Variants in NRXN3 observed in about 807,000 individuals in gnomAD.
NRXN3 encodes neurexin 3, also known as neurexin III.
Under a neutral mutation model 137.6 loss-of-function variants are expected in NRXN3, and 32 were observed. The observed-to-expected ratio is 0.23, with a 90% confidence interval of 0.18 to 0.31. The LOEUF is 0.31. NRXN3 is among the 10% of genes least tolerant of loss of function. The probability of loss-of-function intolerance (pLI) is 1.00; values close to 1 mark genes in which losing one functional copy is unlikely to be tolerated. For synonymous variants in NRXN3, 798 were observed against 784.5 expected (o/e 1.02, Z -0.29); for missense variants, 1,574 against 2,062.5 (o/e 0.76, Z 4.59).
Position 78,176,324 on chromosome 14 carries a change from C to A in NRXN3, c.-704+5650C>A, listed in dbSNP as rs1428980814. On this transcript the variant is annotated intron_variant, in intron 1 of 20. Coordinates refer to ENST00000335750, the MANE Select transcript of NRXN3 (RefSeq NM_001330195.2). The stretch of plus-strand genomic sequence containing the variant: ...TCATCATAGTAGTGGTAGTAATAGT[C>A]GTGATATAGCTATCATTTCTGCAGT... Among the ~76,000 whole-genome samples, 2 of 151,408 alleles carry A rather than the reference C, an allele frequency of 1.3e-5. 1 individual carries two copies. The highest frequency in any genetic ancestry group is 4.2e-4 in the South Asian group (2 of 4,778).
At chr14:79,756,579 A>G (rs1422952676) in intron 19 of NRXN3, among the ~76,000 whole-genome samples, 3 of 152,226 alleles carry the variant, frequency 2.0e-5, no homozygotes, top group African/African-American at 7.2e-5. Context: ...AGAGAACGAA[A>G]TATTAATATT....
At chr14:78,633,698 T>C (rs962896930) in intron 4 of NRXN3, among the ~76,000 whole-genome samples, 2 of 152,234 alleles carry the variant, frequency 1.3e-5, no homozygotes, top group Admixed American at 1.3e-4. Flanking sequence ...CACCTCCGCA[T>C]TGGCAAATTT....
chr14:78,663,813 C>T (rs2097859523), intron 6 of NRXN3, among the ~76,000 whole-genome samples: 1 of 152,210 alleles, frequency 6.6e-6, no homozygotes, highest in Non-Finnish European at 1.5e-5. Flanking sequence ...CCTACTGAGA[C>T]AAAATCTCTT....
intron 20 of NRXN3, chr14:79,854,212 G>C (rs2099397711): frequency 1.1e-6 from 1 of 916,796 alleles, no homozygotes; most frequent in African/African-American, 1.8e-5. Context: ...CGGGCAATTT[G>C]TTGATGTAAG....
intron 15 of NRXN3, among the ~76,000 whole-genome samples, chr14:79,441,528 C>A (rs903405054): frequency 6.6e-6 from 1 of 151,458 alleles, no homozygotes; most frequent in African/African-American, 2.4e-5. Flanking sequence ...TACAGGCGCC[C>A]GCCACCGCAC....
intron 1 of NRXN3, among the ~76,000 whole-genome samples, chr14:78,225,950 TTGGTGTGTGTGTGTGTGTGTG>T (rs1237247544): frequency 6.5e-4 from 78 of 119,472 alleles, no homozygotes; most frequent in East Asian, 1.0e-3. Context: ...AGGTGTTTTT[TTGGTGTGTGTGTGTGTGTGTG>T]TTGGTGTGTG....
At chr14:78,447,821 A>G (rs920073400) in intron 4 of NRXN3, among the ~76,000 whole-genome samples, 5 of 152,210 alleles carry the variant, frequency 3.3e-5, no homozygotes, top group Non-Finnish European at 5.9e-5. Flanking sequence ...CTTATAGCCT[A>G]CCTTTCTTCA....
chr14:79,278,262 A>G (rs1172006759), intron 15 of NRXN3, among the ~76,000 whole-genome samples: 1 of 152,124 alleles, frequency 6.6e-6, no homozygotes, highest in Non-Finnish European at 1.5e-5. Flanking sequence ...AGGGAGTCAA[A>G]GCTAGCAAGA....
At chr14:78,527,822 T>G (rs560229003) in intron 4 of NRXN3, among the ~76,000 whole-genome samples, 1 of 152,224 alleles carries the variant, frequency 6.6e-6, no homozygotes, top group Non-Finnish European at 1.5e-5. Flanking sequence ...CAGGACAATA[T>G]CTCTCTTATT....
chr14:78,407,861 C>T (rs376203108), intron 4 of NRXN3, among the ~76,000 whole-genome samples: 1 of 152,162 alleles, frequency 6.6e-6, no homozygotes, highest in Admixed American at 6.6e-5. Context: ...GCTGCTCCTC[C>T]CTCACTGGAC....
At chr14:79,208,250 ATTTGGGGGTCAC>A in intron 15 of NRXN3, among the ~76,000 whole-genome samples, 1 of 152,280 alleles carries the variant, frequency 6.6e-6, no homozygotes, top group Non-Finnish European at 1.5e-5. Context: ...CTGATGATAA[ATTTGGGGGTCAC>A]TTAATCCAGG....
intron 15 of NRXN3, among the ~76,000 whole-genome samples, chr14:79,007,491 C>T (rs1159054881): frequency 1.3e-5 from 2 of 150,092 alleles, no homozygotes; most frequent in Non-Finnish European, 3.0e-5. Flanking sequence ...AAGCAATCAA[C>T]CAACCAAACA....
At chr14:79,323,939 T>C (rs1013099952) in intron 15 of NRXN3, among the ~76,000 whole-genome samples, 4 of 152,262 alleles carry the variant, frequency 2.6e-5, no homozygotes, top group Admixed American at 1.3e-4. Flanking sequence ...GAGGTGTTTT[T>C]TTCCCCAGTA....
intron 15 of NRXN3, among the ~76,000 whole-genome samples, chr14:79,110,575 T>A (rs1276903147): frequency 6.6e-6 from 1 of 152,208 alleles, no homozygotes; most frequent in Non-Finnish European, 1.5e-5. Context: ...GATGGATGCA[T>A]TTGGCATTTG....
Position 79,569,555 on chromosome 14 carries a change from GA to G in NRXN3, c.3445-94221del, listed in dbSNP as rs530793832. On this transcript the variant is annotated intron_variant, in intron 16 of 20. Transcript: ENST00000335750. ...ATGCCCTCCATTTCTAAATGTATGA[GA>G]AGAGGATCAACAAAGAAAAAAATTA... Among the ~76,000 whole-genome samples, 960 of 151,976 alleles carry G rather than the reference GA, an allele frequency of 6.3e-3. 12 individuals carry two copies. The highest frequency in any genetic ancestry group is 0.044 in the Middle Eastern group (13 of 294).
At chr14:78,803,503 C>T in intron 8 of NRXN3, 117 bp from the exon 9 acceptor site, 1 of 896,998 alleles carries the variant, frequency 1.1e-6, no homozygotes, top group Admixed American at 1.8e-5. Flanking sequence ...TCATCAAACA[C>T]AAGTCACTAG....
At chr14:78,845,275 A>G (rs986785999) in intron 10 of NRXN3, among the ~76,000 whole-genome samples, 1 of 152,110 alleles carries the variant, frequency 6.6e-6, no homozygotes, top group Non-Finnish European at 1.5e-5. Flanking sequence ...GTGTTACTAC[A>G]TAGTGTTAAT....
chr14:79,172,143 G>A (rs1224454738), intron 15 of NRXN3, among the ~76,000 whole-genome samples: 2 of 151,366 alleles, frequency 1.3e-5, no homozygotes, highest in Non-Finnish European at 2.9e-5. Context: ...AACAATACAT[G>A]AAGAACTATT....
chr14:79,022,095 A>G (rs1365614392), intron 15 of NRXN3, among the ~76,000 whole-genome samples: 1 of 152,164 alleles, frequency 6.6e-6, no homozygotes, highest in Admixed American at 6.5e-5. Flanking sequence ...TTTTATTACT[A>G]TAGGGTGCTT....
Sources: allele counts gnomAD v4.1 joint callset (sites outside exome capture counted in the v4.1 genomes callset), GRCh38; gene constraint gnomAD v4.1.1; transcripts MANE v1.5; gene names NCBI Gene and HGNC (gene_info 2026-07-23, HGNC 2026-07-21).